GABBR2: variants seen among roughly 807,000 people sequenced by gnomAD.
GABBR2 encodes the protein gamma-aminobutyric acid type B receptor subunit 2.
GABBR2 carries 23 observed loss-of-function variants against 105.6 expected under a neutral mutation model. That is an observed-to-expected ratio of 0.22 (90% CI 0.16 to 0.31). The LOEUF (loss-of-function observed/expected upper bound fraction) is 0.31, where lower values mean the gene tolerates loss of function less well. GABBR2 is among the 10% of genes least tolerant of loss of function. The pLI is 1.00. For synonymous variants in GABBR2, 478 were observed against 499.7 expected (o/e 0.96, Z 0.58); for missense variants, 734 against 1,245.5 (o/e 0.59, Z 6.18).
chr9:98,516,242 ACACTGAGGATGCACTC>A (rs1827754979), intron 3 of GABBR2: 1 of 152,336 alleles, frequency 6.6e-6, no homozygotes, highest in East Asian at 1.9e-4. Context: ...GGAGACAAGA[ACACTGAGGATGCACTC>A]CACCTTCACC....
intron 13 of GABBR2, among the ~76,000 whole-genome samples, chr9:98,360,880 A>G (rs1052266367): frequency 1.3e-5 from 2 of 152,100 alleles, no homozygotes; most frequent in African/African-American, 4.8e-5. Context: ...CTTCATCTAG[A>G]ATAGAGGCGG....
intron 13 of GABBR2, among the ~76,000 whole-genome samples, chr9:98,326,493 G>C (rs1407228856): frequency 1.3e-5 from 2 of 152,206 alleles, no homozygotes; most frequent in Admixed American, 6.5e-5. Flanking sequence ...TTAGGTGGTG[G>C]GTGTGGGAGA....
At chr9:98,607,829 C>G in intron 1 of GABBR2, 1 of 996,334 alleles carries the variant, frequency 1.0e-6, no homozygotes, top group Non-Finnish European at 1.6e-6. Flanking sequence ...AAGAGCCCTC[C>G]GGCACAAATG....
chr9:98,647,896 T>C (rs1489289588), intron 1 of GABBR2, among the ~76,000 whole-genome samples: 1 of 152,064 alleles, frequency 6.6e-6, no homozygotes, highest in East Asian at 1.9e-4. Flanking sequence ...AATTCTCATA[T>C]ATAAGAATGA....
intron 3 of GABBR2, among the ~76,000 whole-genome samples, chr9:98,513,646 A>C (rs929692852): frequency 6.6e-6 from 1 of 152,194 alleles, no homozygotes; most frequent in Non-Finnish European, 1.5e-5. Flanking sequence ...GCCAAAAAAC[A>C]CATGAAAAAA....
chr9:98,327,719 A>G (rs1830948048), intron 13 of GABBR2, among the ~76,000 whole-genome samples: 1 of 151,748 alleles, frequency 6.6e-6, no homozygotes, highest in African/African-American at 2.4e-5. Flanking sequence ...AAATACAAAC[A>G]TTAGCCAGGC....
At chr9:98,296,392 AC>A (rs1045737709) in intron 17 of GABBR2, among the ~76,000 whole-genome samples, 1 of 152,164 alleles carries the variant, frequency 6.6e-6, no homozygotes, top group African/African-American at 2.4e-5. Flanking sequence ...TTTATAAATT[AC>A]CAAGTCTGCA....
At chr9:98,343,608 C>T (rs769248325) in intron 13 of GABBR2, among the ~76,000 whole-genome samples, 14 of 152,058 alleles carry the variant, frequency 9.2e-5, no homozygotes, top group Non-Finnish European at 1.5e-4. Flanking sequence ...ACCTGTAATC[C>T]CAGCACTTTG....
Position 98,708,811 on chromosome 9 carries a change from G to A in GABBR2, c.-74C>T. 1.1e-6 allele frequency: 1 copy of A among 917,772 alleles called. No homozygotes were observed. 56.9% of individuals were successfully genotyped at this position (917,772 alleles called of 1,614,324 possible). On this transcript the variant is annotated 5_prime_UTR_variant, in exon 1 of 19. Coordinates refer to ENST00000259455, the MANE Select transcript of GABBR2 (RefSeq NM_005458.8). ...GCCCGGCCCGCCGCCCCGCGCCAAG[G>A]TCTTCCCGCGGCGCCCGCGCAATGG...
At chr9:98,606,205 G>A (rs989100729) in intron 1 of GABBR2, among the ~76,000 whole-genome samples, 1 of 152,172 alleles carries the variant, frequency 6.6e-6, no homozygotes, top group African/African-American at 2.4e-5. Flanking sequence ...CCAAGTCTTT[G>A]CTATTGTGAA....
At chr9:98,633,497 C>A (rs1829839830) in intron 1 of GABBR2, among the ~76,000 whole-genome samples, 2 of 151,742 alleles carry the variant, frequency 1.3e-5, no homozygotes, top group African/African-American at 2.4e-5. Context: ...TGGTGGCGTG[C>A]ACCTGTAATC....
intron 7 of GABBR2, among the ~76,000 whole-genome samples, chr9:98,431,106 C>T (rs928246485): frequency 3.9e-5 from 6 of 152,026 alleles, no homozygotes; most frequent in Admixed American, 6.6e-5. Flanking sequence ...TACCTACTCG[C>T]TTGCACAACT....
At chr9:98,601,563 T>G (rs369978206) in intron 1 of GABBR2, among the ~76,000 whole-genome samples, 12 of 152,040 alleles carry the variant, frequency 7.9e-5, no homozygotes, top group African/African-American at 2.9e-4. Context: ...AATAAACAAA[T>G]CCTAATGTCT....
At chr9:98,585,106 A>G (rs1188788929) in intron 1 of GABBR2, among the ~76,000 whole-genome samples, 1 of 152,080 alleles carries the variant, frequency 6.6e-6, no homozygotes. Context: ...CCTTTGGAGG[A>G]CAGATTTTTT....
intron 7 of GABBR2, among the ~76,000 whole-genome samples, chr9:98,415,279 C>A (rs1435620323): frequency 6.6e-6 from 1 of 151,938 alleles, no homozygotes; most frequent in Non-Finnish European, 1.5e-5. Flanking sequence ...TTATTAAAAA[C>A]TTTTTAAAAA....
chr9:98,336,613 G>A (rs1252561241), intron 13 of GABBR2, among the ~76,000 whole-genome samples: 2 of 152,114 alleles, frequency 1.3e-5, no homozygotes, highest in Non-Finnish European at 2.9e-5. Context: ...GCTGAGGCAG[G>A]AGAATCGCTT....
intron 2 of GABBR2, among the ~76,000 whole-genome samples, chr9:98,560,438 CACATACACACACACACAT>C (rs1828654356): frequency 6.9e-6 from 1 of 144,076 alleles, no homozygotes; most frequent in Non-Finnish European, 1.5e-5. Context: ...CACACACACA[CACATACACACACACACAT>C]ATATACATGC....
chr9:98,537,230 C>T (rs193202591), intron 3 of GABBR2, among the ~76,000 whole-genome samples: 22 of 152,326 alleles, frequency 1.4e-4, no homozygotes, highest in South Asian at 8.3e-4. Context: ...AACAAACCAC[C>T]GCCACATGCC....
At chr9:98,362,093 G>T (rs1034160477) in intron 13 of GABBR2, among the ~76,000 whole-genome samples, 5 of 152,182 alleles carry the variant, frequency 3.3e-5, no homozygotes, top group Non-Finnish European at 7.4e-5. Flanking sequence ...GCTGTAGCCC[G>T]CAAAGACAGT....
Sources: allele counts gnomAD v4.1 joint callset (sites outside exome capture counted in the v4.1 genomes callset), GRCh38; gene constraint gnomAD v4.1.1; transcripts MANE v1.5; gene names NCBI Gene and HGNC (gene_info 2026-07-23, HGNC 2026-07-21).